The following STK32B variants were observed in gnomAD, a reference collection of about 807,000 sequenced individuals.
The protein encoded by STK32B is serine/threonine kinase 32B.
Under a neutral mutation model 52.6 loss-of-function variants are expected in STK32B, and 43 were observed. The ratio of observed to expected loss-of-function variants is 0.82; its 90% CI spans 0.64 to 1.05. The LOEUF (loss-of-function observed/expected upper bound fraction) is 1.05. STK32B is among the 50% of genes least tolerant of loss of function. The pLI is 0.00. For synonymous variants in STK32B, 238 were observed against 204.3 expected, an observed-to-expected ratio of 1.17 and a Z score of -1.41; for missense variants, 621 against 534.6, an observed-to-expected ratio of 1.16 and a Z score of -1.59.
At chr4:5,393,507 A>G (rs1170783368) in intron 4 of STK32B, among the ~76,000 whole-genome samples, 1 of 152,206 alleles carries the variant, frequency 6.6e-6, no homozygotes, top group Non-Finnish European at 1.5e-5. Context: ...GCATGGCAGC[A>G]TCTGCTTGGA....
chr4:5,111,703 A>T (rs190189830), intron 1 of STK32B, among the ~76,000 whole-genome samples: 7 of 152,200 alleles, frequency 4.6e-5, no homozygotes, highest in African/African-American at 1.2e-4. Flanking sequence ...CCCTGTCATT[A>T]TGCGTCTGAT....
At chr4:5,159,210 T>G (rs918920603) in intron 2 of STK32B, among the ~76,000 whole-genome samples, 32 of 152,050 alleles carry the variant, frequency 2.1e-4, no homozygotes, top group Non-Finnish European at 3.1e-4. Context: ...CATGGTGCAG[T>G]CTCTCTGTGT....
rs373133390 is a variant in STK32B at position 5,186,813 on chromosome 4, C to T, written c.260+18363C>T. On this transcript the variant is annotated intron_variant, in intron 3 of 11. Coordinates refer to ENST00000282908, the MANE Select transcript of STK32B (RefSeq NM_018401.3). ...AGTCCCTCTCTCATTCTTGACTGTT[C>T]CAGCATTTGTAGCACCATGGAAACT... 2.2e-4 allele frequency among the ~76,000 whole-genome samples: 34 copies of T among 152,298 alleles called. No individual in the cohort carries two copies. In the East Asian group the frequency reaches 3.7e-3, roughly 16 times the overall value.
chr4:5,163,124 A>C (rs919117569), intron 2 of STK32B, among the ~76,000 whole-genome samples: 1 of 152,212 alleles, frequency 6.6e-6, no homozygotes, highest in Non-Finnish European at 1.5e-5. Context: ...CATTGAGGTC[A>C]GGCAGTAGCG....
chr4:5,356,591 C>T (rs1249453690), intron 4 of STK32B, among the ~76,000 whole-genome samples: 1 of 152,158 alleles, frequency 6.6e-6, no homozygotes, highest in Admixed American at 6.5e-5. Flanking sequence ...GGCTTCCCTG[C>T]AGTCGCTTAT....
At chr4:5,364,999 C>T (rs917866639) in intron 4 of STK32B, among the ~76,000 whole-genome samples, 1 of 152,134 alleles carries the variant, frequency 6.6e-6, no homozygotes, top group Non-Finnish European at 1.5e-5. Flanking sequence ...CCTCAGCATC[C>T]CGAGTAGCTG....
chr4:5,078,035 T>G (rs1235472510), intron 1 of STK32B, among the ~76,000 whole-genome samples: 1 of 152,126 alleles, frequency 6.6e-6, no homozygotes, highest in Non-Finnish European at 1.5e-5. Flanking sequence ...CACACATCTC[T>G]TCTCTCAACG....
chr4:5,448,374 C>G (rs1487253061), intron 7 of STK32B, among the ~76,000 whole-genome samples: 1 of 152,158 alleles, frequency 6.6e-6, no homozygotes, highest in Non-Finnish European at 1.5e-5. Flanking sequence ...TATATATACT[C>G]AGAGGAGGAA....
At chr4:5,193,081 T>C (rs1194828785) in intron 3 of STK32B, among the ~76,000 whole-genome samples, 1 of 152,140 alleles carries the variant, frequency 6.6e-6, no homozygotes, top group African/African-American at 2.4e-5. Context: ...CACTGCACTT[T>C]ATAAGGCCTG....
chr4:5,493,315 T>C (rs1264957249), intron 11 of STK32B, among the ~76,000 whole-genome samples: 1 of 152,204 alleles, frequency 6.6e-6, no homozygotes, highest in East Asian at 1.9e-4. Flanking sequence ...TGGGAGGGTG[T>C]ATGTGTTGAG....
chr4:5,047,779 G>T (rs190791848), upstream of STK32B, among the ~76,000 whole-genome samples: 1 of 152,178 alleles, frequency 6.6e-6, no homozygotes, highest in Admixed American at 6.5e-5. Flanking sequence ...TGTGGGGGTT[G>T]AACAGTGGCC....
At chr4:5,114,999 C>T (rs920371902) in intron 1 of STK32B, among the ~76,000 whole-genome samples, 2 of 152,186 alleles carry the variant, frequency 1.3e-5, no homozygotes, top group African/African-American at 4.8e-5. Context: ...CTGCAAGACA[C>T]CTGCTCGACA....
At chr4:5,480,731 C>A (rs185655265) in intron 11 of STK32B, among the ~76,000 whole-genome samples, 5 of 152,160 alleles carry the variant, frequency 3.3e-5, no homozygotes, top group South Asian at 4.2e-4. Context: ...ATCCCTCCCC[C>A]CTCCACCCAC....
chr4:5,420,845 CAAG>C (rs1712572412), intron 6 of STK32B, among the ~76,000 whole-genome samples: 1 of 152,130 alleles, frequency 6.6e-6, no homozygotes, highest in African/African-American at 2.4e-5. Flanking sequence ...AAATTGATGT[CAAG>C]GAGTGTAGAT....
intron 1 of STK32B, among the ~76,000 whole-genome samples, chr4:5,070,455 G>T (rs887166067): frequency 1.3e-5 from 2 of 152,174 alleles, no homozygotes; most frequent in Non-Finnish European, 2.9e-5. Context: ...ATCTGTCATT[G>T]TAGGGGCTTG....
chr4:5,095,953 G>A (rs1205312793), intron 1 of STK32B, among the ~76,000 whole-genome samples: 4 of 152,192 alleles, frequency 2.6e-5, no homozygotes, highest in Non-Finnish European at 5.9e-5. Flanking sequence ...GAAAAAGCTG[G>A]TTACACGTGA....
At chr4:5,037,113 G>A in the STK32B span, among the ~76,000 whole-genome samples, 6 of 152,264 alleles carry the variant, frequency 3.9e-5, no homozygotes, top group African/African-American at 1.4e-4. Context: ...TTTGTTGTGG[G>A]TGGCTGTCTA....
intron 8 of STK32B, among the ~76,000 whole-genome samples, chr4:5,459,267 T>G (rs1159639235): frequency 7.1e-6 from 1 of 141,746 alleles, no homozygotes; most frequent in African/African-American, 2.7e-5. Context: ...CAGCTCCACC[T>G]GTGGACCCTG....
chr4:5,395,528 T>C lies in STK32B; in HGVS notation c.435-2679T>C, dbSNP rs1380886144. ...TTTTTCTAGACTCTGGTTTGCCTTCTTCACCTGCCACAACTTACAATCCTG... is the reference window on the plus strand; with the variant it reads ...TTTTTCTAGACTCTGGTTTGCCTTCCTCACCTGCCACAACTTACAATCCTG... On this transcript the variant is annotated intron_variant, in intron 4 of 11. Coordinates refer to ENST00000282908, the MANE Select transcript of STK32B (RefSeq NM_018401.3). This position sits in a 1 kb window ranked among gnomAD's most constrained non-coding sequence, Gnocchi z 4.4. Among the ~76,000 whole-genome samples the C allele has an allele frequency of 1.3e-5, 2 of 152,204 alleles. No homozygotes were observed. The highest frequency in any genetic ancestry group is 2.9e-5 in the Non-Finnish European group (2 of 68,030).
Sources: gnomAD v4.1 joint callset for allele counts (sites outside exome capture counted in the v4.1 genomes callset) on GRCh38, gnomAD v4.1.1 for gene constraint, Gnocchi (gnomAD v3.1) non-coding constraint, MANE v1.5 for transcripts, NCBI Gene and HGNC (gene_info 2026-07-23, HGNC 2026-07-21) for gene names.